The following SCRG1 variants were observed in gnomAD, a reference collection of about 807,000 sequenced individuals.
The protein encoded by SCRG1 is stimulator of chondrogenesis 1.
A neutral mutation model predicts 7.7 loss-of-function variants in SCRG1; 3 were observed. The observed-to-expected ratio is 0.39, with a 90% CI of 0.18 to 1.01. The LOEUF (loss-of-function observed/expected upper bound fraction) is 1.01. Ranked by LOEUF, SCRG1 falls within the 50% of genes least tolerant of loss-of-function variation. The pLI, the probability that SCRG1 is intolerant of heterozygous loss-of-function variation, is 0.36. For synonymous variants in SCRG1, 46 were observed against 41.2 expected (o/e 1.12, Z -0.44); for missense variants, 110 against 117.2 (o/e 0.94, Z 0.28).
the SCRG1 span, among the ~76,000 whole-genome samples, chr4:173,458,952 G>A: frequency 6.6e-6 from 1 of 152,152 alleles, no homozygotes; most frequent in African/African-American, 2.4e-5. Context: ...AAATAAGCAG[G>A]AGTAACTGTA....
the SCRG1 span, among the ~76,000 whole-genome samples, chr4:173,508,774 C>T: frequency 1.3e-5 from 2 of 152,202 alleles, no homozygotes; most frequent in Non-Finnish European, 2.9e-5. The surrounding 1 kb of genome is among the most constrained non-coding windows in gnomAD (Gnocchi z 4.4). Context: ...CTGCGGCCAC[C>T]AAGAGACCAC....
intron 2 of SCRG1, among the ~76,000 whole-genome samples, chr4:173,389,305 C>A (rs192396227): frequency 6.6e-6 from 1 of 151,994 alleles, no homozygotes; most frequent in East Asian, 1.9e-4. Context: ...GAGGCCAAGG[C>A]GGGCAGATCA....
At chr4:173,453,179 C>A in the SCRG1 span, among the ~76,000 whole-genome samples, 4 of 152,322 alleles carry the variant, frequency 2.6e-5, no homozygotes, top group South Asian at 6.2e-4. Context: ...TTAAGGAACC[C>A]ATGTCTTAAT....
intron 1 of SCRG1, among the ~76,000 whole-genome samples, chr4:173,397,070 TAAAAC>T (rs944534910): frequency 1.3e-5 from 2 of 152,086 alleles, no homozygotes; most frequent in African/African-American, 4.8e-5. Context: ...TGAAATAAAA[TAAAAC>T]AAAATAAAAT....
At chr4:173,441,065 A>T in the SCRG1 span, among the ~76,000 whole-genome samples, 2 of 152,000 alleles carry the variant, frequency 1.3e-5, no homozygotes, top group Admixed American at 6.6e-5. Flanking sequence ...GGGTGGGGGG[A>T]CTATTCAAAG....
chr4:173,452,197 C>T, the SCRG1 span, among the ~76,000 whole-genome samples: 1 of 151,560 alleles, frequency 6.6e-6, no homozygotes, highest in Non-Finnish European at 1.5e-5. Flanking sequence ...GATTGCACCA[C>T]TGCACTCCAG....
the SCRG1 span, among the ~76,000 whole-genome samples, chr4:173,483,730 C>CATATATA: frequency 0.013 from 19 of 1,440 alleles, 9 homozygotes; most frequent in East Asian, 0.14. Context: ...TGTGATATAT[C>CATATATA]ATATATATGA....
chr4:173,426,010 A>G, the SCRG1 span, among the ~76,000 whole-genome samples: 20 of 152,340 alleles, frequency 1.3e-4, no homozygotes, highest in East Asian at 9.6e-4. Context: ...CCCCAAGCTA[A>G]CAGTTCTCCT....
chr4:173,475,089 C>T, the SCRG1 span, among the ~76,000 whole-genome samples: 1 of 151,978 alleles, frequency 6.6e-6, no homozygotes, highest in Admixed American at 6.6e-5. Context: ...CTCATCCATT[C>T]AATTAAACTA....
chr4:173,431,827 C>G, the SCRG1 span, among the ~76,000 whole-genome samples: 1 of 152,160 alleles, frequency 6.6e-6, no homozygotes, highest in Non-Finnish European at 1.5e-5. Flanking sequence ...AGTGTCATGC[C>G]AGGTCTGTAG....
At chr4:173,438,195 A>G in the SCRG1 span, among the ~76,000 whole-genome samples, 1 of 152,096 alleles carries the variant, frequency 6.6e-6, no homozygotes, top group Non-Finnish European at 1.5e-5. Flanking sequence ...GGCTCACTGC[A>G]GTATTGACTT....
the SCRG1 span, among the ~76,000 whole-genome samples, chr4:173,444,974 T>C: frequency 1.2e-4 from 19 of 152,318 alleles, no homozygotes; most frequent in East Asian, 2.3e-3. Flanking sequence ...TACTATTGTA[T>C]TCCTGAAAGA....
the SCRG1 span, among the ~76,000 whole-genome samples, chr4:173,472,300 A>C: frequency 7.1e-3 from 1,086 of 152,358 alleles, 20 homozygotes; most frequent in African/African-American, 0.024. Context: ...CTTTACAAGC[A>C]TTATTTTTAC....
the SCRG1 span, among the ~76,000 whole-genome samples, chr4:173,465,520 G>A: frequency 6.6e-6 from 1 of 152,198 alleles, no homozygotes; most frequent in Non-Finnish European, 1.5e-5. Flanking sequence ...TTGAGTGTGG[G>A]CAGGATGTGA....
At chr4:173,434,130 G>C in the SCRG1 span, among the ~76,000 whole-genome samples, 3 of 152,130 alleles carry the variant, frequency 2.0e-5, no homozygotes, top group Non-Finnish European at 2.9e-5. Context: ...ATGGGGCCAG[G>C]GTGGGAAGGT....
At chr4:173,388,923 A>G (rs1739330205) in intron 2 of SCRG1, among the ~76,000 whole-genome samples, 1 of 152,222 alleles carries the variant, frequency 6.6e-6, no homozygotes, top group African/African-American at 2.4e-5. Context: ...CTTATTAGAA[A>G]TATACTTAGC....
the SCRG1 span, among the ~76,000 whole-genome samples, chr4:173,491,363 C>A: frequency 6.6e-6 from 1 of 151,992 alleles, no homozygotes; most frequent in Non-Finnish European, 1.5e-5. Context: ...GGACTAAAAA[C>A]CAAGGGCAGT....
the SCRG1 span, among the ~76,000 whole-genome samples, chr4:173,463,027 G>A: frequency 6.6e-6 from 1 of 152,092 alleles, no homozygotes; most frequent in African/African-American, 2.4e-5. Context: ...AGGAAGGCAG[G>A]AATGAAAGAA....
chr4:173,467,514 T>G, the SCRG1 span, among the ~76,000 whole-genome samples: 1 of 152,190 alleles, frequency 6.6e-6, no homozygotes, highest in Non-Finnish European at 1.5e-5. Flanking sequence ...AAATTGCTAG[T>G]CACCTGAGGC....
Sources: gnomAD v4.1 joint callset for allele counts (sites outside exome capture counted in the v4.1 genomes callset) on GRCh38, gnomAD v4.1.1 for gene constraint, Gnocchi (gnomAD v3.1) non-coding constraint, MANE v1.5 for transcripts, NCBI Gene and HGNC (gene_info 2026-07-23, HGNC 2026-07-21) for gene names.